The following MBNL2 variants were observed in gnomAD, a reference collection of about 807,000 sequenced individuals.
The protein encoded by MBNL2 is muscleblind-like protein 2.
MBNL2 carries 17 observed loss-of-function variants against 41.9 expected under a neutral mutation model. The observed-to-expected ratio is 0.41, with a 90% CI of 0.28 to 0.61. The LOEUF (loss-of-function observed/expected upper bound fraction) is 0.61, where lower values mean the gene tolerates loss of function less well. MBNL2 is among the 20% of genes least tolerant of loss of function. The pLI is 0.35. For synonymous variants in MBNL2, 195 were observed against 182.9 expected, an observed-to-expected ratio of 1.07 and a Z score of -0.53; for missense variants, 336 against 505.6, an observed-to-expected ratio of 0.66 and a Z score of 3.22.
the MBNL2 span, among the ~76,000 whole-genome samples, chr13:97,182,340 G>T: frequency 6.6e-6 from 1 of 152,230 alleles, no homozygotes; most frequent in African/African-American, 2.4e-5. Flanking sequence ...TATTCAGTTA[G>T]CACTGGTGAC....
At chr13:97,271,112 G>GTTTTTTTTTTTTTTTTTTTTTT (rs369155404) in intron 1 of MBNL2, among the ~76,000 whole-genome samples, 4 of 133,396 alleles carry the variant, frequency 3.0e-5, no homozygotes, top group Non-Finnish European at 4.8e-5. Context: ...GCTCTTTTTT[G>GTTTTTTTTTTTTTTTTTTTTTT]TTTTTTTTTT....
chr13:97,176,698 A>C, the MBNL2 span, among the ~76,000 whole-genome samples: 1 of 152,224 alleles, frequency 6.6e-6, no homozygotes, highest in Non-Finnish European at 1.5e-5. Flanking sequence ...TCACTTCAAA[A>C]TGTTTCTCTT....
chr13:97,210,061 G>C, the MBNL2 span, among the ~76,000 whole-genome samples: 12 of 152,270 alleles, frequency 7.9e-5, no homozygotes, highest in South Asian at 1.9e-3. Flanking sequence ...CTCCCGAAGT[G>C]CTGGGATTAC....
chr13:97,308,247 G>T (rs1410444682), intron 2 of MBNL2, among the ~76,000 whole-genome samples: 1 of 152,170 alleles, frequency 6.6e-6, no homozygotes, highest in African/African-American at 2.4e-5. Flanking sequence ...TATCACCACA[G>T]TACAGTGACT....
intron 5 of MBNL2, among the ~76,000 whole-genome samples, chr13:97,354,074 A>T (rs1435774367): frequency 6.7e-6 from 1 of 148,814 alleles, no homozygotes; most frequent in Non-Finnish European, 1.5e-5. Flanking sequence ...TGCCCATAGG[A>T]CCTCTTCTGA....
At chr13:97,148,475 T>C in the MBNL2 span, among the ~76,000 whole-genome samples, 1 of 152,128 alleles carries the variant, frequency 6.6e-6, no homozygotes, top group African/African-American at 2.4e-5. Context: ...GATAATGATG[T>C]GTCAATGTAG....
chr13:97,348,418 C>T (rs2062102024), intron 5 of MBNL2, among the ~76,000 whole-genome samples: 1 of 152,130 alleles, frequency 6.6e-6, no homozygotes, highest in East Asian at 1.9e-4. Context: ...AGCTTGAGAA[C>T]TTCTGCATTA....
intron 1 of MBNL2, among the ~76,000 whole-genome samples, chr13:97,255,493 AC>A (rs974524624): frequency 6.6e-6 from 1 of 152,124 alleles, no homozygotes; most frequent in African/African-American, 2.4e-5. Flanking sequence ...GATTGGGTAG[AC>A]TGAGGACTGG....
At chr13:97,174,120 A>T in the MBNL2 span, among the ~76,000 whole-genome samples, 1 of 152,186 alleles carries the variant, frequency 6.6e-6, no homozygotes, top group Non-Finnish European at 1.5e-5. Context: ...TCTAAGGTAA[A>T]CACAAAGAAA....
At chr13:97,163,771 G>C in the MBNL2 span, among the ~76,000 whole-genome samples, 1 of 152,076 alleles carries the variant, frequency 6.6e-6, no homozygotes, top group Non-Finnish European at 1.5e-5. Context: ...GAAGGGGTGG[G>C]CCCTTAATCC....
chr13:97,324,404 G>T (rs920660830), intron 2 of MBNL2, among the ~76,000 whole-genome samples: 1 of 152,156 alleles, frequency 6.6e-6, no homozygotes, highest in Admixed American at 6.6e-5. Flanking sequence ...GACAGAAAAG[G>T]CCTGCCCTCC....
intron 2 of MBNL2, among the ~76,000 whole-genome samples, chr13:97,327,545 A>G (rs1327343246): frequency 7.5e-6 from 1 of 132,732 alleles, no homozygotes; most frequent in Admixed American, 8.3e-5. Context: ...GGCACAGACT[A>G]TTATACGTTA....
At chr13:97,317,422 A>G (rs905316143) in intron 2 of MBNL2, among the ~76,000 whole-genome samples, 1 of 152,230 alleles carries the variant, frequency 6.6e-6, no homozygotes, top group African/African-American at 2.4e-5. Context: ...TATTGGGGTC[A>G]TCTGAAGGAG....
At chr13:97,362,627 C>A (rs368363335) in intron 7 of MBNL2, among the ~76,000 whole-genome samples, 7 of 152,112 alleles carry the variant, frequency 4.6e-5, no homozygotes, top group Admixed American at 1.3e-4. Flanking sequence ...CTAGACCACA[C>A]GGGACCTTTA....
At chr13:97,381,579 A>T (rs2065455766) in intron 8 of MBNL2, among the ~76,000 whole-genome samples, 1 of 152,002 alleles carries the variant, frequency 6.6e-6, no homozygotes, top group South Asian at 2.1e-4. Context: ...TTTTGAAAAA[A>T]ACCCATATCA....
At chr13:97,337,930 G>A (rs1423751540) in intron 3 of MBNL2, among the ~76,000 whole-genome samples, 2 of 152,030 alleles carry the variant, frequency 1.3e-5, no homozygotes, top group African/African-American at 2.4e-5. Context: ...CCACTCCCCT[G>A]TTTCTCAGCT....
chr13:97,185,300 A>G, the MBNL2 span, among the ~76,000 whole-genome samples: 1 of 152,228 alleles, frequency 6.6e-6, no homozygotes, highest in Non-Finnish European at 1.5e-5. Flanking sequence ...TATAAAAGAA[A>G]TATTTCATAA....
intron 1 of MBNL2, among the ~76,000 whole-genome samples, chr13:97,246,649 T>G (rs1275034777): frequency 6.6e-6 from 1 of 152,218 alleles, no homozygotes; most frequent in Non-Finnish European, 1.5e-5. Context: ...CAGCGGGATT[T>G]GTGGCAGAGA....
chr13:97,242,217 G>T (rs185432873), intron 1 of MBNL2, among the ~76,000 whole-genome samples: 1 of 152,286 alleles, frequency 6.6e-6, no homozygotes, highest in East Asian at 1.9e-4. Flanking sequence ...AAAAGGCAAT[G>T]TTCTTCTTTG....
Sources: gnomAD v4.1 joint callset for allele counts (sites outside exome capture counted in the v4.1 genomes callset) on GRCh38, gnomAD v4.1.1 for gene constraint, MANE v1.5 for transcripts, NCBI Gene and HGNC (gene_info 2026-07-23, HGNC 2026-07-21) for gene names.